The following LRP1B variants were observed in gnomAD, a reference collection of about 807,000 sequenced individuals.
LRP1B encodes low-density lipoprotein receptor-related protein 1B.
In LRP1B, 217 loss-of-function variants were observed where a neutral mutation model predicts 556.6. That is an observed-to-expected ratio of 0.39 (90% confidence interval 0.35 to 0.44). The LOEUF (loss-of-function observed/expected upper bound fraction) is 0.44, where lower values mean the gene tolerates loss of function less well. Ranked by LOEUF, LRP1B falls within the 20% of genes least tolerant of loss-of-function variation. LRP1B has a pLI of 1.00. For synonymous variants in LRP1B, 2,047 were observed against 1,865.8 expected, an observed-to-expected ratio of 1.10 and a Z score of -2.50; for missense variants, 5,053 against 5,620.8, an observed-to-expected ratio of 0.90 and a Z score of 3.23.
chr2:141,065,925 T>A (rs1699469552), intron 7 of LRP1B, among the ~76,000 whole-genome samples: 1 of 151,942 alleles, frequency 6.6e-6, no homozygotes, highest in Admixed American at 6.6e-5. Flanking sequence ...TTCAGCCCTA[T>A]GCCCCATTCC....
chr2:140,952,206 T>C (rs1402490825), intron 18 of LRP1B, among the ~76,000 whole-genome samples: 2 of 152,174 alleles, frequency 1.3e-5, no homozygotes, highest in Non-Finnish European at 2.9e-5. Context: ...ATTATACTGC[T>C]AGAAAAATGA....
chr2:141,224,353 C>G (rs1328005824), intron 6 of LRP1B, among the ~76,000 whole-genome samples: 22 of 151,888 alleles, frequency 1.4e-4, no homozygotes, highest in Non-Finnish European at 1.5e-5. Flanking sequence ...CAGAGGCTGC[C>G]AAGAGGTAAG....
At chr2:141,457,951 A>G (rs1681695009) in intron 3 of LRP1B, among the ~76,000 whole-genome samples, 2 of 152,234 alleles carry the variant, frequency 1.3e-5, no homozygotes, top group South Asian at 4.1e-4. Flanking sequence ...AGTATGGTCA[A>G]AGGGAATCAG....
intron 41 of LRP1B, among the ~76,000 whole-genome samples, chr2:140,668,309 CAAAAAAAAAAAAAAAAAA>C (rs560180473): frequency 1.2e-4 from 7 of 59,670 alleles, no homozygotes; most frequent in Admixed American, 2.7e-4. Context: ...GACTCCGTCT[CAAAAAAAAAAAAAAAAAA>C]AAAAAAAAAA....
At chr2:141,676,108 A>T (rs1038163724) in intron 2 of LRP1B, among the ~76,000 whole-genome samples, 8 of 151,938 alleles carry the variant, frequency 5.3e-5, no homozygotes, top group Non-Finnish European at 1.2e-4. Flanking sequence ...TTATGAATGG[A>T]TTGTATTTTT....
intron 32 of LRP1B, among the ~76,000 whole-genome samples, chr2:140,811,489 T>C (rs1336594310): frequency 6.6e-6 from 1 of 152,196 alleles, no homozygotes; most frequent in Admixed American, 6.5e-5. Context: ...TCACCGACTT[T>C]CCTTGAAATA....
intron 1 of LRP1B, among the ~76,000 whole-genome samples, chr2:142,026,953 C>T (rs12620001): frequency 0.031 from 4,732 of 152,060 alleles, 191 homozygotes; most frequent in East Asian, 0.17. Flanking sequence ...AGCACTCAGC[C>T]AAAATTTCTC....
intron 1 of LRP1B, among the ~76,000 whole-genome samples, chr2:141,823,822 CCAT>C (rs1235829520): frequency 6.6e-6 from 1 of 152,056 alleles, no homozygotes; most frequent in African/African-American, 2.4e-5. Context: ...GTGTCCACCA[CCAT>C]GTCAGGATAT....
At chr2:140,884,586 A>T (rs758042041) in intron 24 of LRP1B, among the ~76,000 whole-genome samples, 5 of 152,194 alleles carry the variant, frequency 3.3e-5, no homozygotes, top group Non-Finnish European at 7.3e-5. Context: ...GGACCCTAAG[A>T]CTTGCAAGAT....
chr2:141,945,453 C>T (rs1574517228), intron 1 of LRP1B, among the ~76,000 whole-genome samples: 1 of 151,626 alleles, frequency 6.6e-6, no homozygotes, highest in East Asian at 1.9e-4. Context: ...TGTATCATTT[C>T]TTTTTGAATT....
At chr2:140,939,939 G>A (rs1695347968) in intron 20 of LRP1B, among the ~76,000 whole-genome samples, 1 of 144,858 alleles carries the variant, frequency 6.9e-6, no homozygotes, top group Non-Finnish European at 1.5e-5. Context: ...AGGCTGGAGT[G>A]CAGTGGTGCA....
intron 20 of LRP1B, among the ~76,000 whole-genome samples, chr2:140,949,241 T>C (rs1695633080): frequency 1.3e-5 from 2 of 152,224 alleles, no homozygotes; most frequent in African/African-American, 4.8e-5. Flanking sequence ...ATAAATGAAA[T>C]AAATAACATC....
At chr2:141,581,404 C>T (rs1163224540) in intron 2 of LRP1B, among the ~76,000 whole-genome samples, 1 of 152,078 alleles carries the variant, frequency 6.6e-6, no homozygotes, top group Non-Finnish European at 1.5e-5. Context: ...TTGATTACAT[C>T]TTTTATTTTT....
At chr2:141,501,273 A>G (rs1203644112) in intron 2 of LRP1B, among the ~76,000 whole-genome samples, 3 of 152,148 alleles carry the variant, frequency 2.0e-5, no homozygotes, top group African/African-American at 7.2e-5. Context: ...AATTCAAGCT[A>G]GAAAATAGGT....
chr2:140,751,683 A>G (rs976197295), intron 35 of LRP1B, among the ~76,000 whole-genome samples: 2 of 152,198 alleles, frequency 1.3e-5, no homozygotes, highest in African/African-American at 4.8e-5. Context: ...ATATGTCAAT[A>G]CCATTTTGAT....
chr2:140,595,114 A>ATC (rs1558992154), intron 43 of LRP1B, among the ~76,000 whole-genome samples: 7 of 85,708 alleles, frequency 8.2e-5, no homozygotes, highest in African/African-American at 3.6e-4. Flanking sequence ...ATATATATAT[A>ATC]TATATATATA....
At chr2:140,278,036 AACACACAC>A (rs34699867) in intron 84 of LRP1B, among the ~76,000 whole-genome samples, 3 of 150,338 alleles carry the variant, frequency 2.0e-5, no homozygotes, top group African/African-American at 7.3e-5. Context: ...CACATATACA[AACACACAC>A]ACACACACAC....
intron 3 of LRP1B, among the ~76,000 whole-genome samples, chr2:141,388,007 A>G (rs1299758126): frequency 1.3e-5 from 2 of 152,214 alleles, no homozygotes. Context: ...ATACAAATGC[A>G]AGATTGGTTC....
At chr2:141,896,844 A>T (rs1212222789) in intron 1 of LRP1B, among the ~76,000 whole-genome samples, 1 of 152,200 alleles carries the variant, frequency 6.6e-6, no homozygotes, top group African/African-American at 2.4e-5. Context: ...AGATGATCGA[A>T]ATTGATTTGC....
Sources: gnomAD v4.1 joint callset for allele counts (sites outside exome capture counted in the v4.1 genomes callset) on GRCh38, gnomAD v4.1.1 for gene constraint, MANE v1.5 for transcripts, NCBI Gene and HGNC (gene_info 2026-07-23, HGNC 2026-07-21) for gene names.